Variants in NR2F1-AS1 observed in about 807,000 individuals in gnomAD.
NR2F1-AS1 encodes NR2F1 antisense RNA 1.
chr5:93,509,321 C>T (rs532880579), intron 4 of NR2F1-AS1, among the ~76,000 whole-genome samples: 13 of 152,038 alleles, frequency 8.6e-5, no homozygotes, highest in Non-Finnish European at 1.5e-4. Flanking sequence ...TCAGTATCTG[C>T]ATTGTCTAAT....
chr5:93,546,370 T>G (rs945334555), intron 4 of NR2F1-AS1, among the ~76,000 whole-genome samples: 3 of 152,042 alleles, frequency 2.0e-5, no homozygotes, highest in Non-Finnish European at 4.4e-5. Flanking sequence ...GAAAGCAATA[T>G]CAAAGAAATA....
intron 4 of NR2F1-AS1, among the ~76,000 whole-genome samples, chr5:93,541,137 G>C (rs151253581): frequency 1.3e-5 from 2 of 152,098 alleles, no homozygotes; most frequent in Non-Finnish European, 2.9e-5. Context: ...CTGCTTTAAA[G>C]CACACTTCAT....
chr5:93,489,482 A>G (rs1269647148), intron 4 of NR2F1-AS1, among the ~76,000 whole-genome samples: 3 of 152,134 alleles, frequency 2.0e-5, no homozygotes, highest in Non-Finnish European at 4.4e-5. Flanking sequence ...TAATGAAAAC[A>G]TAACTTTTAT....
intron 4 of NR2F1-AS1, among the ~76,000 whole-genome samples, chr5:93,419,749 C>T (rs1197210679): frequency 6.6e-6 from 1 of 151,966 alleles, no homozygotes; most frequent in Admixed American, 6.6e-5. Context: ...AAATTGACAC[C>T]CCTTTCCTCT....
intron 4 of NR2F1-AS1, among the ~76,000 whole-genome samples, chr5:93,496,773 T>C (rs1178606475): frequency 6.6e-6 from 1 of 152,182 alleles, no homozygotes; most frequent in African/African-American, 2.4e-5. Context: ...TCTCAAAGCA[T>C]AACAACTTTT....
At chr5:93,446,784 G>A (rs1198814677) in intron 4 of NR2F1-AS1, among the ~76,000 whole-genome samples, 4 of 152,036 alleles carry the variant, frequency 2.6e-5, no homozygotes, top group African/African-American at 4.8e-5. Context: ...GAGACATCAC[G>A]CTACCTGACT....
chr5:93,448,057 AGG>A (rs1259696584), intron 4 of NR2F1-AS1, among the ~76,000 whole-genome samples: 4 of 152,166 alleles, frequency 2.6e-5, no homozygotes, highest in African/African-American at 9.6e-5. Flanking sequence ...CGTGGGGTGG[AGG>A]GAAGGGGGAG....
intron 4 of NR2F1-AS1, among the ~76,000 whole-genome samples, chr5:93,490,431 T>C (rs1750811175): frequency 6.6e-6 from 1 of 151,562 alleles, no homozygotes; most frequent in Non-Finnish European, 1.5e-5. Flanking sequence ...GTGGTGGTCA[T>C]GGTGATGATG....
At chr5:93,530,834 T>C (rs1435399231) in intron 4 of NR2F1-AS1, among the ~76,000 whole-genome samples, 4 of 152,180 alleles carry the variant, frequency 2.6e-5, no homozygotes, top group Non-Finnish European at 5.9e-5. Context: ...TCATTTACTA[T>C]ATAAGAAAAC....
intron 4 of NR2F1-AS1, among the ~76,000 whole-genome samples, chr5:93,442,373 A>G (rs1227867662): frequency 6.6e-6 from 1 of 152,128 alleles, no homozygotes; most frequent in African/African-American, 2.4e-5. Context: ...GTCTTAGCAA[A>G]TGGCACACCA....
At chr5:93,481,889 G>C (rs1406793373) in intron 4 of NR2F1-AS1, among the ~76,000 whole-genome samples, 1 of 151,994 alleles carries the variant, frequency 6.6e-6, no homozygotes, top group Non-Finnish European at 1.5e-5. Flanking sequence ...ATACCAAAAT[G>C]TATAGGAGGC....
At chr5:93,494,884 T>C (rs1383897857) in intron 4 of NR2F1-AS1, among the ~76,000 whole-genome samples, 5 of 152,116 alleles carry the variant, frequency 3.3e-5, no homozygotes, top group African/African-American at 9.7e-5. Flanking sequence ...AATTGTGGTA[T>C]TGGGGTGTGT....
chr5:93,532,336 T>G (rs533654452), intron 4 of NR2F1-AS1, among the ~76,000 whole-genome samples: 1 of 152,194 alleles, frequency 6.6e-6, no homozygotes, highest in African/African-American at 2.4e-5. Flanking sequence ...TTTTGTTGCT[T>G]CTTTTGTACA....
At chr5:93,444,318 G>A (rs1322802768) in intron 4 of NR2F1-AS1, among the ~76,000 whole-genome samples, 2 of 152,118 alleles carry the variant, frequency 1.3e-5, no homozygotes, top group African/African-American at 4.8e-5. Context: ...CTCAGGTGCA[G>A]AGACACACAC....
chr5:93,542,512 G>A (rs1488634727), intron 4 of NR2F1-AS1: 2 of 152,052 alleles, frequency 1.3e-5, no homozygotes, highest in Non-Finnish European at 2.9e-5. Flanking sequence ...ATTATCAAAT[G>A]TCCCCTAGGG....
intron 4 of NR2F1-AS1, among the ~76,000 whole-genome samples, chr5:93,448,995 T>G (rs1251272348): frequency 6.6e-6 from 1 of 152,206 alleles, no homozygotes; most frequent in African/African-American, 2.4e-5. Context: ...TTCTATCAAG[T>G]ATCAAGGATC....
At chr5:93,533,082 A>G (rs1751767075) in intron 4 of NR2F1-AS1, among the ~76,000 whole-genome samples, 1 of 152,212 alleles carries the variant, frequency 6.6e-6, no homozygotes, top group South Asian at 2.1e-4. Flanking sequence ...ACCTTACATT[A>G]GGCTTTTACC....
At chr5:93,498,705 C>CAGGGAAGACACAAGTTAGA (rs1442371291) in intron 4 of NR2F1-AS1, among the ~76,000 whole-genome samples, 2 of 151,512 alleles carry the variant, frequency 1.3e-5, no homozygotes, top group African/African-American at 4.8e-5. Flanking sequence ...AAGAAAGCAA[C>CAGGGAAGACACAAGTTAGA]AGGGAAGACA....
intron 4 of NR2F1-AS1, among the ~76,000 whole-genome samples, chr5:93,443,111 A>G (rs1289132697): frequency 6.6e-6 from 1 of 152,256 alleles, no homozygotes; most frequent in Non-Finnish European, 1.5e-5. Flanking sequence ...AGAAAAGCTG[A>G]AAATTCTAAA....
Sources: allele counts gnomAD v4.1 joint callset (sites outside exome capture counted in the v4.1 genomes callset), GRCh38; gene constraint gnomAD v4.1.1; transcripts MANE v1.5; gene names NCBI Gene and HGNC (gene_info 2026-07-23, HGNC 2026-07-21).